Variants in YES1 observed in about 807,000 individuals in gnomAD.
YES1 encodes YES proto-oncogene 1, Src family tyrosine kinase.
In YES1, 39 loss-of-function variants were observed where a neutral mutation model predicts 70.4. The ratio of observed to expected loss-of-function variants is 0.55; its 90% CI spans 0.43 to 0.72. YES1 has a LOEUF of 0.72. Ranked by LOEUF, YES1 falls within the 30% of genes least tolerant of loss-of-function variation. YES1 has a pLI of 0.00. For missense variants in YES1, 495 were observed against 644.8 expected, an observed-to-expected ratio of 0.77 and a Z score of 2.52; for synonymous variants, 198 against 218.6, an observed-to-expected ratio of 0.91 and a Z score of 0.83.
chr18:782,533 T>G (rs1230456274), intron 1 of YES1, among the ~76,000 whole-genome samples: 3 of 152,206 alleles, frequency 2.0e-5, no homozygotes, highest in African/African-American at 7.2e-5. Context: ...CTATTAACAT[T>G]TCAAGAGAAT....
intron 6 of YES1, among the ~76,000 whole-genome samples, chr18:745,493 C>A (rs902822982): frequency 2.6e-5 from 4 of 152,064 alleles, no homozygotes; most frequent in Non-Finnish European, 5.9e-5. Context: ...GATATAAGGA[C>A]CCAAATGATG....
At chr18:730,760 TATA>T (rs1462984847) in intron 11 of YES1, among the ~76,000 whole-genome samples, 2 of 152,230 alleles carry the variant, frequency 1.3e-5, no homozygotes, top group African/African-American at 2.4e-5. Flanking sequence ...TTTACAGTGC[TATA>T]ATAAGTTGGA....
At chr18:801,887 C>T (rs1159191396) in intron 1 of YES1, among the ~76,000 whole-genome samples, 3 of 152,066 alleles carry the variant, frequency 2.0e-5, no homozygotes, top group East Asian at 3.8e-4. Context: ...GTTAATCTGG[C>T]GGAACAAACA....
chr18:733,721 T>C (rs2080117495), intron 10 of YES1, among the ~76,000 whole-genome samples: 2 of 132,290 alleles, frequency 1.5e-5, no homozygotes, highest in Non-Finnish European at 3.1e-5. Flanking sequence ...AGGCGGAGCT[T>C]GCAGTGAGCT....
intron 1 of YES1, among the ~76,000 whole-genome samples, chr18:762,311 A>C (rs1268234579): frequency 1.3e-5 from 2 of 152,152 alleles, no homozygotes; most frequent in Non-Finnish European, 2.9e-5. Flanking sequence ...CAAGAGCGAA[A>C]CTCCATCTCA....
At chr18:774,504 TA>T (rs796657798) in intron 1 of YES1, among the ~76,000 whole-genome samples, 2 of 152,172 alleles carry the variant, frequency 1.3e-5, no homozygotes, top group South Asian at 4.1e-4. Context: ...CCCAACTCGA[TA>T]AATGTTAACG....
intron 1 of YES1, among the ~76,000 whole-genome samples, chr18:786,055 C>T (rs1237115941): frequency 6.6e-6 from 1 of 152,214 alleles, no homozygotes; most frequent in Non-Finnish European, 1.5e-5. Flanking sequence ...GGTATTGGAC[C>T]TCCCAGCCTC....
Position 722,821 on chromosome 18 carries a change from GGT to G in YES1, c.*1601_*1602del, listed in dbSNP as rs1444015389. On this transcript the variant is annotated 3_prime_UTR_variant, in exon 12 of 12. Coordinates refer to ENST00000314574, the MANE Select transcript of YES1 (RefSeq NM_005433.4). Reference sequence around the variant, plus strand: ...TTAGAAGTGAATGTAGGCTGGGCGCGGTGGCTCACGCCTGTAATCCCAGCACT... The same window carrying G: ...TTAGAAGTGAATGTAGGCTGGGCGCGGGCTCACGCCTGTAATCCCAGCACT... The G allele has an allele frequency of 2.0e-5, 3 of 152,260 alleles. No individual in the cohort carries two copies. The East Asian group carries it at 5.8e-4, about 29-fold the overall frequency. The allele number at this position is 152,260 out of a possible 1,614,324, so 9.4% of individuals were successfully genotyped here. A position where few individuals can be genotyped will look rare whatever the true frequency, so the allele number is the denominator to read the frequency against.
At chr18:765,719 G>A (rs1022543910) in intron 1 of YES1, among the ~76,000 whole-genome samples, 2 of 152,126 alleles carry the variant, frequency 1.3e-5, no homozygotes, top group African/African-American at 4.8e-5. Context: ...TTTTAATAAG[G>A]AGTAAAATAA....
chr18:729,619 C>CTTTTTTTTTTTTTTTTTTTTTTTT, intron 11 of YES1, among the ~76,000 whole-genome samples: 1 of 75,384 alleles, frequency 1.3e-5, no homozygotes, highest in Non-Finnish European at 2.3e-5. Context: ...TGATTTTGAA[C>CTTTTTTTTTTTTTTTTTTTTTTTT]TTTTTTTTTT....
chr18:735,318 C>T (rs954039604), intron 10 of YES1, among the ~76,000 whole-genome samples: 1 of 151,918 alleles, frequency 6.6e-6, no homozygotes, highest in South Asian at 2.1e-4. Context: ...ACTACTCAGC[C>T]GTAAAAAGGA....
chr18:775,218 A>C (rs1463289741), intron 1 of YES1: 1 of 152,218 alleles, frequency 6.6e-6, no homozygotes, highest in East Asian at 1.9e-4. Flanking sequence ...TTGAAGCACG[A>C]ATGTTTGCAA....
At chr18:771,860 A>G (rs374244076) in intron 1 of YES1, among the ~76,000 whole-genome samples, 27 of 152,030 alleles carry the variant, frequency 1.8e-4, no homozygotes, top group African/African-American at 6.5e-4. Flanking sequence ...GTATTTCCTT[A>G]TGTATCTGCT....
intron 11 of YES1, among the ~76,000 whole-genome samples, chr18:728,531 T>G (rs1048805822): frequency 2.6e-5 from 4 of 151,872 alleles, no homozygotes; most frequent in Admixed American, 6.6e-5. Context: ...AGCATTTCGG[T>G]TTTTTTTCTC....
intron 1 of YES1, among the ~76,000 whole-genome samples, chr18:792,802 T>TA (rs1168205706): frequency 1.3e-5 from 2 of 150,746 alleles, no homozygotes; most frequent in African/African-American, 2.4e-5. Context: ...CTTTATTTTT[T>TA]AAAAAAATGT....
intron 11 of YES1, among the ~76,000 whole-genome samples, chr18:729,072 C>G (rs1379184513): frequency 6.6e-6 from 1 of 152,152 alleles, no homozygotes; most frequent in African/African-American, 2.4e-5. Flanking sequence ...TGGGACTCCA[C>G]AAATTAGACC....
intron 1 of YES1, among the ~76,000 whole-genome samples, chr18:758,310 T>C (rs1904396691): frequency 6.6e-6 from 1 of 152,228 alleles, no homozygotes; most frequent in Admixed American, 6.5e-5. Context: ...AAGAGTTGTA[T>C]ATGGCTAGTG....
intron 1 of YES1, among the ~76,000 whole-genome samples, chr18:800,165 A>G (rs961274119): frequency 3.9e-5 from 6 of 152,232 alleles, no homozygotes; most frequent in Admixed American, 2.0e-4. Flanking sequence ...AGTAAAAAAC[A>G]TTTGTGGTTA....
intron 11 of YES1, among the ~76,000 whole-genome samples, chr18:725,886 G>A (rs1024554919): frequency 3.3e-5 from 5 of 151,606 alleles, no homozygotes; most frequent in Admixed American, 6.6e-5. Context: ...TCCATCTCGC[G>A]GGGTGGGGAA....
Sources: gnomAD v4.1 joint callset for allele counts (sites outside exome capture counted in the v4.1 genomes callset) on GRCh38, gnomAD v4.1.1 for gene constraint, MANE v1.5 for transcripts, NCBI Gene and HGNC (gene_info 2026-07-23, HGNC 2026-07-21) for gene names.